RAB27B: variants seen among roughly 807,000 people sequenced by gnomAD.
The protein encoded by RAB27B is ras-related protein Rab-27B.
Under a neutral mutation model 24.6 loss-of-function variants are expected in RAB27B, and 15 were observed. The ratio of observed to expected loss-of-function variants is 0.61; its 90% CI spans 0.41 to 0.94. The LOEUF (loss-of-function observed/expected upper bound fraction) is 0.94. Among genes scored for constraint, RAB27B ranks in the 40% least tolerant of loss-of-function variants. The pLI, the probability that RAB27B is intolerant of heterozygous loss-of-function variation, is 0.00. For synonymous variants in RAB27B, 105 were observed against 92.5 expected, an observed-to-expected ratio of 1.14 and a Z score of -0.78; for missense variants, 261 against 266.8, an observed-to-expected ratio of 0.98 and a Z score of 0.15.
chr18:54,881,735 G>A (rs1368138835), intron 3 of RAB27B, among the ~76,000 whole-genome samples: 1 of 152,146 alleles, frequency 6.6e-6, no homozygotes, highest in Non-Finnish European at 1.5e-5. Context: ...GGAAATGGGG[G>A]ATATCAAAGA....
intron 2 of RAB27B, among the ~76,000 whole-genome samples, chr18:54,813,291 A>G (rs140507436): frequency 8.2e-4 from 125 of 152,328 alleles, no homozygotes; most frequent in South Asian, 5.2e-3. Context: ...TAGACATGCT[A>G]TGAGAAAGTT....
rs777177556 is a variant in RAB27B at position 54,804,904 on chromosome 18, C to CTCTTTCTTTCTTTCTTTCTT, written c.-19-72631_-19-72612dup. ...TCTTTCTTTCTTTCTCTTTCTCTCT[C>CTCTTTCTTTCTTTCTTTCTT]TCTTTCTTTCTTTCTTTCTTTCTTT... On this transcript the variant is annotated intron_variant, in intron 2 of 4. Coordinates refer to the RAB27B transcript ENST00000586570. Among the ~76,000 whole-genome samples the CTCTTTCTTTCTTTCTTTCTT allele has an allele frequency of 5.5e-3, 262 of 47,942 alleles. 1 individual carries two copies. Among genetic ancestry groups the CTCTTTCTTTCTTTCTTTCTT allele is most frequent in the African/African-American group, 0.011 (225 of 19,872 alleles). 31.5% of individuals were successfully genotyped at this position (47,942 alleles called of 152,430 possible).
chr18:54,812,493 G>A (rs1398456670), intron 2 of RAB27B, among the ~76,000 whole-genome samples: 2 of 150,488 alleles, frequency 1.3e-5, no homozygotes, highest in Admixed American at 1.3e-4. Flanking sequence ...AGTACTCATT[G>A]CAGAGACAGT....
At position 54,877,708 on chromosome 18, in the gene RAB27B, A is replaced by G; in HGVS notation, c.123A>G (p.Thr41=). The G allele has an allele frequency of 6.3e-7, 1 of 1,591,426 alleles. No homozygotes were observed. The highest frequency in any genetic ancestry group is 8.5e-7 in the Non-Finnish European group (1 of 1,173,860). ...DNKFNPKFIT[T]VGIDFREKRV... ...AATTCAATCCCAAATTCATCACTAC[A>G]GTAGGAATAGACTTTCGGGAAAAAC... The change falls in exon 2 of 6, where the codon ACA becomes ACG. Residue 41 remains threonine, a synonymous_variant. Coordinates refer to ENST00000262094, the MANE Select transcript of RAB27B (RefSeq NM_004163.4).
intron 2 of RAB27B, among the ~76,000 whole-genome samples, chr18:54,788,779 G>C (rs77748687): frequency 0.02 from 2,954 of 148,894 alleles, 100 homozygotes; most frequent in African/African-American, 0.069. Context: ...TGGCATCTAG[G>C]AAGAAGCTAT....
chr18:54,760,284 A>G (rs931648709), intron 2 of RAB27B, among the ~76,000 whole-genome samples: 2 of 152,182 alleles, frequency 1.3e-5, no homozygotes, highest in Non-Finnish European at 2.9e-5. Context: ...GAAAGGGTCA[A>G]GGGAACCATC....
intron 1 of RAB27B, among the ~76,000 whole-genome samples, chr18:54,867,429 T>C (rs1470411761): frequency 3.5e-5 from 2 of 57,464 alleles, no homozygotes; most frequent in Non-Finnish European, 8.5e-5. Flanking sequence ...GATGCTTTCT[T>C]TTCTTTTCTT....
chr18:54,850,392 G>T (rs1299987963), intron 1 of RAB27B, among the ~76,000 whole-genome samples: 1 of 126,146 alleles, frequency 7.9e-6, no homozygotes, highest in Non-Finnish European at 1.6e-5. Context: ...TTTTTCTTGA[G>T]ACAGAGTCTC....
chr18:54,730,057 A>G (rs13381010), intron 2 of RAB27B, among the ~76,000 whole-genome samples: 1,798 of 152,324 alleles, frequency 0.012, 47 homozygotes, highest in African/African-American at 0.041. Context: ...AGTTTACTTA[A>G]TATAAAATTT....
intron 1 of RAB27B, among the ~76,000 whole-genome samples, chr18:54,872,952 T>G (rs1912536307): frequency 6.6e-6 from 1 of 152,190 alleles, no homozygotes; most frequent in Admixed American, 6.5e-5. Flanking sequence ...GAACTTACAT[T>G]AAACAAAAAT....
At chr18:54,819,473 A>G (rs1275414672) in intron 2 of RAB27B, among the ~76,000 whole-genome samples, 1 of 147,002 alleles carries the variant, frequency 6.8e-6, no homozygotes, top group Non-Finnish European at 1.5e-5. Flanking sequence ...CGGAGGTTGC[A>G]GTAAGCCAAC....
intron 2 of RAB27B, among the ~76,000 whole-genome samples, chr18:54,810,261 G>T (rs1016689318): frequency 1.3e-5 from 2 of 152,072 alleles, no homozygotes; most frequent in Admixed American, 1.3e-4. Flanking sequence ...CCTGTCATTT[G>T]TATGCCTCCA....
At chr18:54,774,771 T>C (rs1240659830) in intron 2 of RAB27B, among the ~76,000 whole-genome samples, 3 of 152,254 alleles carry the variant, frequency 2.0e-5, no homozygotes, top group Admixed American at 6.5e-5. Context: ...CTTTTCTTTT[T>C]TCTTGGTCAT....
intron 2 of RAB27B, among the ~76,000 whole-genome samples, chr18:54,817,554 G>A (rs1305341157): frequency 1.3e-5 from 2 of 152,138 alleles, no homozygotes; most frequent in East Asian, 3.9e-4. Context: ...ATTAGTTGGA[G>A]AGTCTTGCAA....
At chr18:54,859,078 A>G (rs1424829797) in intron 1 of RAB27B, among the ~76,000 whole-genome samples, 2 of 152,154 alleles carry the variant, frequency 1.3e-5, no homozygotes, top group Non-Finnish European at 2.9e-5. Context: ...CCTGGCCAGG[A>G]GTAGGCTTCA....
At chr18:54,855,465 G>T (rs1041421642) in intron 1 of RAB27B, among the ~76,000 whole-genome samples, 4 of 152,172 alleles carry the variant, frequency 2.6e-5, no homozygotes, top group African/African-American at 2.4e-5. Context: ...TGGTGTCCAA[G>T]GTGTTCTGTT....
chr18:54,765,358 C>G (rs1908328237), intron 2 of RAB27B, among the ~76,000 whole-genome samples: 1 of 152,260 alleles, frequency 6.6e-6, no homozygotes, highest in Non-Finnish European at 1.5e-5. Flanking sequence ...CCCAGACACC[C>G]TAAGTTCTAT....
chr18:54,774,815 C>T (rs1235018150), intron 2 of RAB27B, among the ~76,000 whole-genome samples: 2 of 152,140 alleles, frequency 1.3e-5, no homozygotes, highest in East Asian at 1.9e-4. Flanking sequence ...GTTTTCTTTA[C>T]AGAACTTTCC....
intron 2 of RAB27B, among the ~76,000 whole-genome samples, chr18:54,809,842 C>A (rs139243869): frequency 1.3e-5 from 2 of 152,232 alleles, no homozygotes; most frequent in East Asian, 3.9e-4. Context: ...ATTGGGCTAT[C>A]CTTTCTTAAT....
Sources: gnomAD v4.1 joint callset for allele counts (sites outside exome capture counted in the v4.1 genomes callset) on GRCh38, gnomAD v4.1.1 for gene constraint, MANE v1.5 for transcripts, NCBI Gene and HGNC (gene_info 2026-07-23, HGNC 2026-07-21) for gene names.